NEK1: variants seen among roughly 807,000 people sequenced by gnomAD.
NEK1 encodes the protein serine/threonine-protein kinase Nek1.
Under a neutral mutation model 182.1 loss-of-function variants are expected in NEK1, and 137 were observed. That is an observed-to-expected ratio of 0.75 (90% CI 0.65 to 0.87). NEK1 has a LOEUF of 0.87. NEK1 is among the 40% of genes least tolerant of loss of function. The pLI is 0.00. For synonymous variants in NEK1, 513 were observed against 492.2 expected (o/e 1.04, Z -0.56); for missense variants, 1,391 against 1,494.4 (o/e 0.93, Z 1.14).
intron 11 of NEK1, among the ~76,000 whole-genome samples, chr4:169,577,499 G>A (rs1310260885): frequency 1.3e-5 from 2 of 152,150 alleles, no homozygotes; most frequent in African/African-American, 2.4e-5. Context: ...CAAGCGCGGT[G>A]GCTCACGCCT....
At chr4:169,419,181 G>T (rs566762623) in intron 31 of NEK1, among the ~76,000 whole-genome samples, 2 of 151,932 alleles carry the variant, frequency 1.3e-5, no homozygotes, top group Admixed American at 6.6e-5. Context: ...TGTAAAAGAA[G>T]CCAGAGAGAA....
chr4:169,403,967 G>C (rs182755916), intron 32 of NEK1, among the ~76,000 whole-genome samples: 1 of 151,848 alleles, frequency 6.6e-6, no homozygotes, highest in Non-Finnish European at 1.5e-5. Flanking sequence ...CTTGGTTTTC[G>C]AATTTTTCAA....
In NEK1 at chr4:169,400,399, TTCTG is replaced by T. The variant is rs778555060; in HGVS notation, c.3715-46_3715-43del. The T allele has an allele frequency of 3.7e-5, 53 of 1,441,750 alleles. No homozygotes were observed. The South Asian group carries it at 6.5e-4, about 18-fold the overall frequency. The allele number at this position is 1,441,750 out of a possible 1,614,324, so 89.3% of individuals were successfully genotyped here. A position where few individuals can be genotyped will look rare whatever the true frequency, so the allele number is the denominator to read the frequency against. ...AATATAAATTAATATTTGAATAACT[TTCTG>T]TAATTGCAGACTTCACTTTTTATTT... On this transcript the variant is annotated intron_variant, in intron 34 of 35. Coordinates refer to ENST00000507142, the MANE Select transcript of NEK1 (RefSeq NM_001199397.3).
intron 28 of NEK1, among the ~76,000 whole-genome samples, chr4:169,437,024 CAT>C (rs934062224): frequency 5.3e-5 from 8 of 152,122 alleles, no homozygotes; most frequent in Non-Finnish European, 8.8e-5. Flanking sequence ...AGGGGACAAA[CAT>C]AGTGCAAAAG....
intron 27 of NEK1, among the ~76,000 whole-genome samples, chr4:169,445,865 T>TACACAC (rs201151434): frequency 7.0e-6 from 1 of 143,218 alleles, no homozygotes; most frequent in South Asian, 2.2e-4. Context: ...TATATATATA[T>TACACAC]ACACACACAC....
At chr4:169,569,868 T>G (rs1764390838) in intron 12 of NEK1, among the ~76,000 whole-genome samples, 1 of 152,170 alleles carries the variant, frequency 6.6e-6, no homozygotes, top group Non-Finnish European at 1.5e-5. Flanking sequence ...GCCGCCTGCC[T>G]TGGCCTTCCA....
chr4:169,509,307 CTCAA>C (rs1161163197), intron 19 of NEK1, among the ~76,000 whole-genome samples: 5 of 152,020 alleles, frequency 3.3e-5, no homozygotes, highest in Non-Finnish European at 7.4e-5. Context: ...ATTAAGAGAT[CTCAA>C]TCAAACTCTG....
intron 31 of NEK1, among the ~76,000 whole-genome samples, chr4:169,415,115 T>G (rs1734323960): frequency 6.6e-6 from 1 of 152,252 alleles, no homozygotes; most frequent in African/African-American, 2.4e-5. Flanking sequence ...AAAATGTGAC[T>G]CTTTCAAAGA....
At chr4:169,426,572 T>C (rs1474634519) in intron 29 of NEK1, among the ~76,000 whole-genome samples, 4 of 152,212 alleles carry the variant, frequency 2.6e-5, no homozygotes, top group Admixed American at 2.6e-4. Flanking sequence ...TCAGAAACTT[T>C]GGGGGATAAC....
intron 31 of NEK1, among the ~76,000 whole-genome samples, chr4:169,411,872 T>C (rs1042063291): frequency 6.6e-6 from 1 of 152,228 alleles, no homozygotes; most frequent in African/African-American, 2.4e-5. Context: ...CACTGCATTA[T>C]GAAGGCATGT....
chr4:169,605,172 A>G (rs1409025174), intron 2 of NEK1, among the ~76,000 whole-genome samples: 1 of 152,220 alleles, frequency 6.6e-6, no homozygotes, highest in Non-Finnish European at 1.5e-5. Flanking sequence ...AAATTAGTCA[A>G]TTTGGCCATT....
chr4:169,466,904 G>A (rs1184372975), intron 26 of NEK1, among the ~76,000 whole-genome samples: 1 of 151,916 alleles, frequency 6.6e-6, no homozygotes, highest in East Asian at 1.9e-4. Flanking sequence ...ACAAATGTAA[G>A]TACAGGTGAC....
chr4:169,516,357 T>C (rs1755235269), intron 19 of NEK1, among the ~76,000 whole-genome samples: 1 of 130,698 alleles, frequency 7.7e-6, no homozygotes, highest in South Asian at 2.3e-4. Flanking sequence ...GTTGTTTGTT[T>C]TTTTCTTGTA....
At position 169,556,108 on chromosome 4, in the gene NEK1, C is replaced by T; in HGVS notation, c.1267-13G>A. The T allele has an allele frequency of 6.2e-7, 1 of 1,606,554 alleles. No homozygotes were observed. The highest frequency in any genetic ancestry group is 8.5e-7 in the Non-Finnish European group (1 of 1,176,900). On this transcript the variant is annotated splice_polypyrimidine_tract_variant and intron_variant, in intron 16 of 35. Coordinates refer to ENST00000507142, the MANE Select transcript of NEK1 (RefSeq NM_001199397.3). ...CCAGAAAAGGAGCCTAGGGATTAAACAAAGAGCTCTCACATGTTTATCTTA... is the reference window on the plus strand; with the variant it reads ...CCAGAAAAGGAGCCTAGGGATTAAATAAAGAGCTCTCACATGTTTATCTTA...
intron 19 of NEK1, among the ~76,000 whole-genome samples, chr4:169,522,641 T>C (rs1329059717): frequency 1.3e-5 from 2 of 152,212 alleles, no homozygotes; most frequent in Non-Finnish European, 2.9e-5. Context: ...GCTGCTGTCT[T>C]GTGAGAATGG....
intron 2 of NEK1, among the ~76,000 whole-genome samples, chr4:169,603,625 T>C (rs1170651398): frequency 1.3e-5 from 2 of 152,068 alleles, no homozygotes; most frequent in Admixed American, 1.3e-4. Context: ...ATACGTCTAA[T>C]GGGGAAAATG....
intron 32 of NEK1, among the ~76,000 whole-genome samples, chr4:169,402,754 G>A (rs1731906568): frequency 6.6e-6 from 1 of 152,192 alleles, no homozygotes; most frequent in South Asian, 2.1e-4. Context: ...CACATAGTCA[G>A]TAAATGACAG....
intron 29 of NEK1, among the ~76,000 whole-genome samples, chr4:169,429,007 G>C (rs1736929666): frequency 6.6e-6 from 1 of 152,056 alleles, no homozygotes. Context: ...ACATGGGTCT[G>C]AACTTCATGC....
chr4:169,544,032 T>A (rs1759927304), intron 18 of NEK1, among the ~76,000 whole-genome samples: 1 of 151,964 alleles, frequency 6.6e-6, no homozygotes, highest in Non-Finnish European at 1.5e-5. Flanking sequence ...TGAATAGGAG[T>A]GGTGAGAGAG....
Sources: gnomAD v4.1 joint callset for allele counts (sites outside exome capture counted in the v4.1 genomes callset) on GRCh38, gnomAD v4.1.1 for gene constraint, MANE v1.5 for transcripts, NCBI Gene and HGNC (gene_info 2026-07-23, HGNC 2026-07-21) for gene names.